The following RYR2 variants were observed in gnomAD, a reference collection of about 807,000 sequenced individuals.
The protein encoded by RYR2 is ryanodine receptor 2.
In RYR2, 227 loss-of-function variants were observed where a neutral mutation model predicts 601.1. The observed-to-expected ratio is 0.38, with a 90% CI of 0.34 to 0.42. The LOEUF (loss-of-function observed/expected upper bound fraction) is 0.42, where lower values mean the gene tolerates loss of function less well. Among genes scored for constraint, RYR2 ranks in the 10% least tolerant of loss-of-function variants. The probability of loss-of-function intolerance (pLI) is 1.00; values close to 1 mark genes in which losing one functional copy is unlikely to be tolerated. For synonymous variants in RYR2, 2,223 were observed against 2,175.1 expected (o/e 1.02, Z -0.61); for missense variants, 4,646 against 6,156.5 (o/e 0.75, Z 8.21).
chr1:237,417,695 A>G (rs1263203716), intron 11 of RYR2, among the ~76,000 whole-genome samples: 1 of 152,190 alleles, frequency 6.6e-6, no homozygotes, highest in African/African-American at 2.4e-5. Flanking sequence ...ATATATTAAT[A>G]TTTATGAAAC....
At chr1:237,214,262 A>C (rs1002750890) in intron 1 of RYR2, among the ~76,000 whole-genome samples, 7 of 152,090 alleles carry the variant, frequency 4.6e-5, no homozygotes, top group African/African-American at 1.7e-4. Flanking sequence ...TGCATTTTTC[A>C]TTAGTATATT....
rs186585182 is a variant in RYR2, at chr1:237,803,530, G to A, written c.14151+1614G>A. ...TTAGCCAGGATGGTCTCGATCTCCT[G>A]ACCTCGTGAACCGACCGCCTTGGCC... On this transcript the variant is annotated intron_variant, in intron 98 of 104. Coordinates refer to ENST00000366574, the MANE Select transcript of RYR2 (RefSeq NM_001035.3). Among the ~76,000 whole-genome samples the A allele has an allele frequency of 3.6e-4, 55 of 152,152 alleles. 1 individual carries two copies. The East Asian group carries it at 7.2e-3, about 20-fold the overall frequency.
intron 24 of RYR2, among the ~76,000 whole-genome samples, chr1:237,530,107 C>G: frequency 6.6e-6 from 1 of 151,998 alleles, no homozygotes; most frequent in Non-Finnish European, 1.5e-5. Context: ...GTCAGGAGAT[C>G]GAGACCATCC....
chr1:237,758,360 A>G (rs949105442), intron 82 of RYR2, among the ~76,000 whole-genome samples: 6 of 152,040 alleles, frequency 3.9e-5, no homozygotes, highest in Non-Finnish European at 8.8e-5. Flanking sequence ...ATATCCCACC[A>G]TCTCCTTTGA....
chr1:237,565,520 C>G (rs1671975209), intron 27 of RYR2, among the ~76,000 whole-genome samples: 1 of 152,108 alleles, frequency 6.6e-6, no homozygotes, highest in Non-Finnish European at 1.5e-5. Flanking sequence ...GTTGAGACTA[C>G]AGCTGTGAGC....
chr1:237,351,326 A>C (rs988677439), intron 3 of RYR2, among the ~76,000 whole-genome samples: 2 of 152,134 alleles, frequency 1.3e-5, no homozygotes, highest in Non-Finnish European at 2.9e-5. Flanking sequence ...TGGAAAATGT[A>C]GAAAGAAGAA....
intron 17 of RYR2, among the ~76,000 whole-genome samples, chr1:237,491,455 C>G (rs1009295733): frequency 2.0e-5 from 3 of 152,168 alleles, no homozygotes; most frequent in African/African-American, 7.2e-5. Flanking sequence ...CACATACTGC[C>G]CTTCCTTTCC....
intron 1 of RYR2, among the ~76,000 whole-genome samples, chr1:237,151,676 G>C (rs558773853): frequency 2.0e-5 from 3 of 152,032 alleles, no homozygotes; most frequent in Non-Finnish European, 4.4e-5. Flanking sequence ...CATTGTTTTT[G>C]TTGTTGTGTG....
intron 10 of RYR2, among the ~76,000 whole-genome samples, chr1:237,409,687 A>T (rs1290775848): frequency 6.6e-6 from 1 of 152,110 alleles, no homozygotes; most frequent in Non-Finnish European, 1.5e-5. Context: ...TCTATGGTAT[A>T]TTCATTGAAA....
intron 2 of RYR2, among the ~76,000 whole-genome samples, chr1:237,310,552 C>G (rs897896110): frequency 6.6e-6 from 1 of 152,094 alleles, no homozygotes; most frequent in Non-Finnish European, 1.5e-5. Flanking sequence ...TTGTGGATTA[C>G]CATACCCTAC....
At chr1:237,552,369 T>C (rs1169039089) in intron 27 of RYR2, among the ~76,000 whole-genome samples, 1 of 152,160 alleles carries the variant, frequency 6.6e-6, no homozygotes, top group African/African-American at 2.4e-5. Context: ...GAAATTGTTT[T>C]AAAAACAATT....
chr1:237,515,177 T>C (rs1472698663), intron 24 of RYR2, among the ~76,000 whole-genome samples: 1 of 152,208 alleles, frequency 6.6e-6, no homozygotes, highest in East Asian at 1.9e-4. Context: ...TGGCAGATCA[T>C]GCCTGCCAGA....
rs546983152 is a variant in RYR2 at position 237,303,551 on chromosome 1, T to C, written c.169-27327T>C. Among the ~76,000 whole-genome samples the C allele has an allele frequency of 2.6e-4, 40 of 152,204 alleles. No individual in the cohort carries two copies. The South Asian group carries it at 7.7e-3, about 29-fold the overall frequency. ...CTTACCTTAGGTGATCTGCCTGCCT[T>C]GGCCTCCCAAAGTGCTGGGATTACA... On this transcript the variant is annotated intron_variant, in intron 2 of 104. Transcript: ENST00000366574.
chr1:237,677,022 G>T, intron 60 of RYR2, among the ~76,000 whole-genome samples: 1 of 152,088 alleles, frequency 6.6e-6, no homozygotes, highest in East Asian at 1.9e-4. Context: ...ATTTGCAAGT[G>T]TTAAAAAACC....
chr1:237,157,568 A>T, intron 1 of RYR2, among the ~76,000 whole-genome samples: 1 of 152,190 alleles, frequency 6.6e-6, no homozygotes, highest in Non-Finnish European at 1.5e-5. Context: ...AAAAGAATGA[A>T]ATGCTTTCAT....
intron 58 of RYR2, among the ~76,000 whole-genome samples, chr1:237,670,694 G>A (rs1401898719): frequency 6.6e-6 from 1 of 152,046 alleles, no homozygotes; most frequent in Non-Finnish European, 1.5e-5. Flanking sequence ...CTTATTACAG[G>A]TTGATTATCC....
At chr1:237,803,626 T>TA (rs1247456003) in intron 98 of RYR2, among the ~76,000 whole-genome samples, 1 of 152,116 alleles carries the variant, frequency 6.6e-6, no homozygotes, top group Non-Finnish European at 1.5e-5. Context: ...CTCCTTAGAT[T>TA]AGCTCCATCT....
At chr1:237,274,363 C>T (rs1690044609) in intron 2 of RYR2, among the ~76,000 whole-genome samples, 1 of 149,576 alleles carries the variant, frequency 6.7e-6, no homozygotes, top group Non-Finnish European at 1.5e-5. Context: ...TGTAGGCCTA[C>T]AATGATGTGA....
chr1:237,439,691 A>T (rs1707724172), intron 12 of RYR2, among the ~76,000 whole-genome samples: 1 of 152,144 alleles, frequency 6.6e-6, no homozygotes, highest in African/African-American at 2.4e-5. Context: ...AAATCTTCTA[A>T]TCCAGAGACG....
Sources: gnomAD v4.1 joint callset for allele counts (sites outside exome capture counted in the v4.1 genomes callset) on GRCh38, gnomAD v4.1.1 for gene constraint, MANE v1.5 for transcripts, NCBI Gene and HGNC (gene_info 2026-07-23, HGNC 2026-07-21) for gene names.